The following KIF13B variants were observed in gnomAD, a reference collection of about 807,000 sequenced individuals.
The protein encoded by KIF13B is kinesin-like protein KIF13B.
Under a neutral mutation model 222.0 loss-of-function variants are expected in KIF13B, and 127 were observed. The observed-to-expected ratio is 0.57, with a 90% CI of 0.50 to 0.66. KIF13B has a LOEUF of 0.66. Ranked by LOEUF, KIF13B falls within the 30% of genes least tolerant of loss-of-function variation. The pLI is 0.00. For missense variants in KIF13B, 2,173 were observed against 2,379.0 expected (o/e 0.91, Z 1.80); for synonymous variants, 976 against 919.0 (o/e 1.06, Z -1.12).
chr8:29,198,100 C>T (rs1256499323), intron 2 of KIF13B, among the ~76,000 whole-genome samples: 1 of 152,156 alleles, frequency 6.6e-6, no homozygotes, highest in Non-Finnish European at 1.5e-5. Flanking sequence ...CTGACAAGAA[C>T]ATTAAAACAC....
intron 2 of KIF13B, among the ~76,000 whole-genome samples, chr8:29,223,072 C>T (rs1381381682): frequency 1.3e-5 from 2 of 150,024 alleles, no homozygotes; most frequent in African/African-American, 2.5e-5. Flanking sequence ...AATGCCAGCA[C>T]TTTGGGAGGC....
In KIF13B at chr8:29,117,774, G is replaced by GA. The variant is rs372203938; in HGVS notation, c.3661-768dup. ...AATTTTTCAAACATACTCAAAATTA[G>GA]AAAATAAACTCCCGTGAGATACCCA... On this transcript the variant is annotated intron_variant, in intron 30 of 39. Coordinates refer to ENST00000524189, the MANE Select transcript of KIF13B (RefSeq NM_015254.4). Among the ~76,000 whole-genome samples the GA allele has an allele frequency of 5.3e-3, 803 of 152,228 alleles. 4 individuals carry two copies. Among genetic ancestry groups the GA allele is most frequent in the African/African-American group, 0.017 (709 of 41,520 alleles).
intron 1 of KIF13B, among the ~76,000 whole-genome samples, chr8:29,255,443 C>A (rs2130689387): frequency 6.6e-6 from 1 of 152,266 alleles, no homozygotes; most frequent in Admixed American, 6.5e-5. Context: ...CATTCTACCC[C>A]ATCAAGAAAA....
At chr8:29,108,467 T>C (rs1180854470) in intron 34 of KIF13B, among the ~76,000 whole-genome samples, 1 of 152,244 alleles carries the variant, frequency 6.6e-6, no homozygotes, top group Non-Finnish European at 1.5e-5. Flanking sequence ...AGATGTCGCG[T>C]TGGGTGAGCC....
chr8:29,154,594 G>A (rs565865284), intron 14 of KIF13B, among the ~76,000 whole-genome samples: 12 of 152,260 alleles, frequency 7.9e-5, no homozygotes, highest in South Asian at 4.1e-4. Flanking sequence ...ACAGAATAAC[G>A]CTGCAACTGG....
chr8:29,126,327 C>T (rs1210276513), intron 26 of KIF13B, among the ~76,000 whole-genome samples, 155 bp downstream of exon 26: 1 of 152,138 alleles, frequency 6.6e-6, no homozygotes, highest in Non-Finnish European at 1.5e-5. Flanking sequence ...TATGAAACAA[C>T]ACTCAATGTT....
intron 23 of KIF13B, among the ~76,000 whole-genome samples, chr8:29,131,682 A>G (rs549168049): frequency 1.3e-5 from 2 of 152,342 alleles, no homozygotes; most frequent in African/African-American, 4.8e-5. Flanking sequence ...ACTAGAGTGA[A>G]TCTTGATCCA....
intron 1 of KIF13B, among the ~76,000 whole-genome samples, chr8:29,252,502 T>C (rs1418160272): frequency 6.6e-6 from 1 of 152,268 alleles, no homozygotes; most frequent in East Asian, 1.9e-4. Flanking sequence ...TCCCTTTATC[T>C]ACCAGTCATG....
chr8:29,110,043 C>A lies in KIF13B; in HGVS notation c.3958G>T (p.Ala1320Ser), dbSNP rs553766326. ...EDAQGVEERE[A>S]LARMAANVEN... The stretch of plus-strand genomic sequence containing the variant: ...ACATTGGCTGCCATTCTTGCTAATG[C>A]TTCCCGTTCTTCCACTCCCTGGGCA... The change falls in exon 33 of 40, where the codon GCA (alanine) becomes TCA (serine). Residue 1320 changes from alanine (A) to serine (S), a missense_variant. By Grantham distance (99) the Ala-to-Ser change is moderately conservative (BLOSUM62 1). Around this residue, in one of 2 missense-constraint regions of KIF13B, gnomAD observed 1,480 missense variants for 1,722.8 expected, o/e 0.86. Transcript: ENST00000524189. 2.0e-5 allele frequency: 31 copies of A among 1,567,336 alleles called. No individual in the cohort carries two copies. The highest frequency in any genetic ancestry group is 2.6e-6 in the Non-Finnish European group (3 of 1,155,556).
chr8:29,104,351 C>T (rs1437392040), intron 35 of KIF13B, among the ~76,000 whole-genome samples: 1 of 152,132 alleles, frequency 6.6e-6, no homozygotes. Flanking sequence ...CACTCCAGCC[C>T]GTCACATACT....
intron 2 of KIF13B, among the ~76,000 whole-genome samples, chr8:29,241,693 G>A (rs895492003): frequency 5.5e-5 from 7 of 128,226 alleles, no homozygotes; most frequent in Admixed American, 8.8e-5. Flanking sequence ...CCACGCACCC[G>A]CAGCAAGGGA....
At chr8:29,248,529 A>G (rs1816137748) in intron 1 of KIF13B, among the ~76,000 whole-genome samples, 2 of 152,212 alleles carry the variant, frequency 1.3e-5, no homozygotes, top group South Asian at 4.1e-4. Flanking sequence ...GAAGAGAAGG[A>G]CAGCCAAGCG....
At chr8:29,084,814 C>T (rs1477901782) in intron 37 of KIF13B, among the ~76,000 whole-genome samples, 1 of 152,202 alleles carries the variant, frequency 6.6e-6, no homozygotes, top group East Asian at 1.9e-4. Context: ...CTGAGAAACA[C>T]ACTTGAATAT....
At chr8:29,139,013 A>G (rs1810688920) in intron 21 of KIF13B, among the ~76,000 whole-genome samples, 1 of 152,170 alleles carries the variant, frequency 6.6e-6, no homozygotes, top group African/African-American at 2.4e-5. Context: ...ATAAGATATG[A>G]TGCTGGGGCG....
rs780642873 is a variant in KIF13B at position 29,070,501 on chromosome 8, G to A, written c.*3C>T. The A allele has an allele frequency of 3.7e-5, 60 of 1,609,890 alleles. No homozygotes were observed. The highest frequency in any genetic ancestry group is 1.6e-4 in the Middle Eastern group (1 of 6,078). On this transcript the variant is annotated 3_prime_UTR_variant, in exon 40 of 40. Transcript: ENST00000524189. This position sits in a 1 kb window ranked among gnomAD's most constrained non-coding sequence, Gnocchi z 4.1. ...CCAGAAAAGTTCGCCCTAAGGCAGC[G>A]GCTCAGCTGGCCCAGGATTTCCGGT...
Position 29,132,382 on chromosome 8 carries a change from T to C in KIF13B, c.2868A>G (p.Ile956Met), listed in dbSNP as rs769276006. The change falls in exon 23 of 40, where the codon ATA becomes ATG. Residue 956 changes from isoleucine (I) to methionine (M), a missense_variant. Coordinates refer to ENST00000524189, the MANE Select transcript of KIF13B (RefSeq NM_015254.4). The part of the protein sequence containing the change: ...ALAIEVYGHK[I>M]NDPRKNPALW... ...GGGCGGGGTTTTTCCGGGGATCGTT[T>C]ATTTTATGTCCATATACTTCAATTG... 1.3e-6 allele frequency: 2 copies of C among 1,597,452 alleles called. No individual in the cohort carries two copies. Among genetic ancestry groups the C allele is most frequent in the East Asian group, 2.3e-5 (1 of 43,800 alleles).
chr8:29,090,524 T>C (rs1808249050), intron 37 of KIF13B, among the ~76,000 whole-genome samples: 1 of 152,082 alleles, frequency 6.6e-6, no homozygotes, highest in Non-Finnish European at 1.5e-5. Flanking sequence ...CAGCATTATG[T>C]TGACGCCAAG....
intron 2 of KIF13B, among the ~76,000 whole-genome samples, chr8:29,220,793 C>T (rs985383252): frequency 2.6e-5 from 4 of 152,010 alleles, no homozygotes; most frequent in African/African-American, 7.3e-5. Context: ...AGAGAGATAA[C>T]GTTTAAGGTT....
In KIF13B at chr8:29,109,356, G is replaced by C. The variant is rs548408040; in HGVS notation, c.4161+78C>G. On this transcript the variant is annotated intron_variant, in intron 34 of 39. Coordinates refer to ENST00000524189, the MANE Select transcript of KIF13B (RefSeq NM_015254.4). ...GGGTTTCGGAGATGGGGTTTGACGGGTGGAGAAGAGTTACCCAAGAAAAGA... is the reference window on the plus strand; with the variant it reads ...GGGTTTCGGAGATGGGGTTTGACGGCTGGAGAAGAGTTACCCAAGAAAAGA... 83 of 1,130,408 alleles carry C rather than the reference G, an allele frequency of 7.3e-5. 1 individual carries two copies. In the African/African-American group the frequency reaches 1.1e-3, roughly 16 times the overall value. The allele number at this position is 1,130,408 out of a possible 1,614,324, so 70.0% of individuals were successfully genotyped here.
Sources: allele counts gnomAD v4.1 joint callset (sites outside exome capture counted in the v4.1 genomes callset), GRCh38; gene constraint gnomAD v4.1.1; regional missense constraint gnomAD v4.1.1; non-coding constraint Gnocchi (gnomAD v3.1); transcripts MANE v1.5; gene names NCBI Gene and HGNC (gene_info 2026-07-23, HGNC 2026-07-21).